PTBP3: variants seen among roughly 807,000 people sequenced by gnomAD.
PTBP3 encodes the protein polypyrimidine tract binding protein 3.
Under a neutral mutation model 58.7 loss-of-function variants are expected in PTBP3, and 20 were observed. The ratio of observed to expected loss-of-function variants is 0.34; its 90% CI spans 0.24 to 0.50. The LOEUF (loss-of-function observed/expected upper bound fraction) is 0.50, where lower values mean the gene tolerates loss of function less well. PTBP3 is among the 20% of genes least tolerant of loss of function. The pLI is 0.98. For synonymous variants in PTBP3, 185 were observed against 219.8 expected, an observed-to-expected ratio of 0.84 and a Z score of 1.40; for missense variants, 509 against 637.2, an observed-to-expected ratio of 0.80 and a Z score of 2.17.
intron 2 of PTBP3, among the ~76,000 whole-genome samples, chr9:112,294,438 A>ATTC: frequency 6.6e-6 from 1 of 152,314 alleles, no homozygotes; most frequent in Non-Finnish European, 1.5e-5. Flanking sequence ...GGACTGCCTG[A>ATTC]ACCCAGGAGG....
intron 1 of PTBP3, among the ~76,000 whole-genome samples, chr9:112,303,112 A>G (rs987422614): frequency 5.9e-5 from 9 of 152,088 alleles, no homozygotes; most frequent in African/African-American, 2.2e-4. Context: ...TCTAATCTGG[A>G]TCTCTTGCTC....
At chr9:112,320,606 A>G (rs1368275456) in intron 1 of PTBP3, among the ~76,000 whole-genome samples, 1 of 149,314 alleles carries the variant, frequency 6.7e-6, no homozygotes, top group Non-Finnish European at 1.5e-5. Flanking sequence ...AGCCAAAGCA[A>G]TTTTGATAAG....
intron 1 of PTBP3, among the ~76,000 whole-genome samples, chr9:112,317,803 C>T (rs1019345590): frequency 6.6e-6 from 1 of 151,874 alleles, no homozygotes; most frequent in African/African-American, 2.4e-5. Context: ...AAAAATTAGC[C>T]GGGCATGGTG....
intron 5 of PTBP3, among the ~76,000 whole-genome samples, chr9:112,254,530 C>T (rs905434790): frequency 3.3e-5 from 5 of 152,074 alleles, no homozygotes; most frequent in African/African-American, 1.2e-4. Context: ...TGCAACTCAA[C>T]GACAATACAA....
intron 2 of PTBP3, 75 bp from the exon 3 acceptor site, chr9:112,276,088 C>T: frequency 7.4e-7 from 1 of 1,358,142 alleles, no homozygotes; most frequent in Non-Finnish European, 1.0e-6. Context: ...CATATTGTCA[C>T]ATTTAATCCT....
At chr9:112,265,794 A>G (rs985277558) in intron 4 of PTBP3, among the ~76,000 whole-genome samples, 1 of 152,214 alleles carries the variant, frequency 6.6e-6, no homozygotes, top group Non-Finnish European at 1.5e-5. Context: ...GTTTCACATT[A>G]GTAGATAATA....
chr9:112,290,741 C>A (rs1276221325), intron 2 of PTBP3, among the ~76,000 whole-genome samples: 1 of 145,306 alleles, frequency 6.9e-6, no homozygotes, highest in African/African-American at 2.6e-5. Flanking sequence ...CACACACAAT[C>A]AAGTGTTGGC....
intron 1 of PTBP3, among the ~76,000 whole-genome samples, chr9:112,307,487 A>C (rs1829270601): frequency 1.3e-5 from 2 of 152,272 alleles, no homozygotes; most frequent in South Asian, 4.2e-4. Context: ...AAGATCATAA[A>C]GTTTCATTCC....
chr9:112,314,008 C>A (rs1267138808), intron 1 of PTBP3, among the ~76,000 whole-genome samples: 1 of 152,148 alleles, frequency 6.6e-6, no homozygotes, highest in East Asian at 1.9e-4. Context: ...AATGAATCCA[C>A]GCAAATGAGG....
chr9:112,339,549 T>C, the PTBP3 span, among the ~76,000 whole-genome samples: 3 of 151,566 alleles, frequency 2.0e-5, no homozygotes, highest in African/African-American at 7.3e-5. Context: ...GCCATTTTTA[T>C]TTTTTTTCTT....
chr9:112,358,114 G>A, the PTBP3 span, among the ~76,000 whole-genome samples: 2 of 151,996 alleles, frequency 1.3e-5, no homozygotes, highest in Non-Finnish European at 2.9e-5. Context: ...TCAAGACCAG[G>A]CTGGCCAACG....
intron 3 of PTBP3, chr9:112,272,951 G>A (rs889883123): frequency 1.3e-5 from 2 of 152,210 alleles, no homozygotes; most frequent in African/African-American, 4.8e-5. Flanking sequence ...GAAATGGCAA[G>A]TATCTCTAAA....
chr9:112,246,765 T>G (rs1835895624), intron 7 of PTBP3, among the ~76,000 whole-genome samples: 1 of 151,302 alleles, frequency 6.6e-6, no homozygotes, highest in South Asian at 2.1e-4. Context: ...TCTCAATCAG[T>G]AAATTCGTTA....
At chr9:112,282,862 C>T (rs1049074584) in intron 2 of PTBP3, among the ~76,000 whole-genome samples, 1 of 152,048 alleles carries the variant, frequency 6.6e-6, no homozygotes, top group East Asian at 1.9e-4. Context: ...ATCCCATAGT[C>T]CTGATGTGTC....
chr9:112,250,753 GA>G (rs963693235), intron 7 of PTBP3, among the ~76,000 whole-genome samples, 175 bp downstream of exon 7: 2 of 152,124 alleles, frequency 1.3e-5, no homozygotes, highest in African/African-American at 2.4e-5. Context: ...TCAACTAACA[GA>G]ACCTCCTAAT....
chr9:112,301,424 C>T (rs1023758067), intron 1 of PTBP3, among the ~76,000 whole-genome samples: 1 of 149,320 alleles, frequency 6.7e-6, no homozygotes, highest in Non-Finnish European at 1.5e-5. Flanking sequence ...TACAGACACT[C>T]TGGAAAGTAG....
chr9:112,287,461 C>T (rs917808174), intron 2 of PTBP3, among the ~76,000 whole-genome samples: 4 of 151,510 alleles, frequency 2.6e-5, no homozygotes, highest in African/African-American at 2.4e-5. Flanking sequence ...CTACCTCAGC[C>T]TCCCAAGCAG....
chr9:112,312,836 G>A (rs1235137925), intron 1 of PTBP3, among the ~76,000 whole-genome samples: 1 of 152,094 alleles, frequency 6.6e-6, no homozygotes, highest in African/African-American at 2.4e-5. Context: ...TTGAGTCCAG[G>A]AGTTGGAGAC....
At chr9:112,235,522 A>G (rs778995590) in intron 7 of PTBP3, among the ~76,000 whole-genome samples, 3 of 152,190 alleles carry the variant, frequency 2.0e-5, no homozygotes, top group East Asian at 3.9e-4. Flanking sequence ...TGTTGACTGT[A>G]TATCATCAAC....
Sources: gnomAD v4.1 joint callset for allele counts (sites outside exome capture counted in the v4.1 genomes callset) on GRCh38, gnomAD v4.1.1 for gene constraint, MANE v1.5 for transcripts, NCBI Gene and HGNC (gene_info 2026-07-23, HGNC 2026-07-21) for gene names.